Variants in CLASP1 observed in about 807,000 individuals in gnomAD.
The protein encoded by CLASP1 is cytoplasmic linker associated protein 1, also known as CLIP-associating protein 1.
In CLASP1, 38 loss-of-function variants were observed where a neutral mutation model predicts 192.3. The observed-to-expected ratio is 0.20, with a 90% CI of 0.15 to 0.26. CLASP1 has a LOEUF of 0.26. Ranked by LOEUF, CLASP1 falls within the 10% of genes least tolerant of loss-of-function variation. The pLI, the probability that CLASP1 is intolerant of heterozygous loss-of-function variation, is 1.00. For missense variants in CLASP1, 1,433 were observed against 1,932.5 expected, an observed-to-expected ratio of 0.74 and a Z score of 4.85; for synonymous variants, 691 against 712.8, an observed-to-expected ratio of 0.97 and a Z score of 0.49.
intron 1 of CLASP1, among the ~76,000 whole-genome samples, chr2:121,629,997 T>A (rs1366328505): frequency 6.6e-6 from 1 of 152,030 alleles, no homozygotes; most frequent in Non-Finnish European, 1.5e-5. Context: ...CTTCGCTCAC[T>A]GCAACCTTCG....
At chr2:121,608,333 T>C (rs2064730077) in intron 1 of CLASP1, among the ~76,000 whole-genome samples, 1 of 152,190 alleles carries the variant, frequency 6.6e-6, no homozygotes, top group Non-Finnish European at 1.5e-5. Flanking sequence ...TTGCTACTCC[T>C]ACCTCACCCA....
intron 14 of CLASP1, 122 bp from the exon 15 acceptor site, chr2:121,451,971 G>C: frequency 5.7e-6 from 4 of 705,952 alleles, no homozygotes; most frequent in Non-Finnish European, 9.6e-6. Context: ...TGATTTTTAT[G>C]ATTAGAAAAA....
At chr2:121,354,168 A>G (rs2065002109) in intron 37 of CLASP1, among the ~76,000 whole-genome samples, 1 of 152,204 alleles carries the variant, frequency 6.6e-6, no homozygotes. Context: ...CTAAGGAGCT[A>G]GCACAGAAAA....
intron 19 of CLASP1, among the ~76,000 whole-genome samples, chr2:121,442,499 CG>C (rs1382754728): frequency 7.3e-6 from 1 of 137,396 alleles, no homozygotes; most frequent in Admixed American, 7.2e-5. Flanking sequence ...TTTTTTGAGA[CG>C]GAGTCTCGCT....
chr2:121,609,886 A>G (rs139353334), intron 1 of CLASP1, among the ~76,000 whole-genome samples: 21 of 152,304 alleles, frequency 1.4e-4, no homozygotes, highest in African/African-American at 4.3e-4. Context: ...GGTTGCAGTG[A>G]GCCGATCACG....
At chr2:121,636,266 G>A (rs561789636) in intron 1 of CLASP1, among the ~76,000 whole-genome samples, 2 of 151,572 alleles carry the variant, frequency 1.3e-5, no homozygotes, top group South Asian at 2.1e-4. Context: ...AACCCATGGG[G>A]TGGAGATTAC....
At chr2:121,516,494 G>C (rs1004796659) in intron 6 of CLASP1, among the ~76,000 whole-genome samples, 1 of 152,230 alleles carries the variant, frequency 6.6e-6, no homozygotes, top group Non-Finnish European at 1.5e-5. Context: ...GCTTCAGGAA[G>C]AGGAAGTACG....
At chr2:121,619,294 T>G (rs1174089221) in intron 1 of CLASP1, among the ~76,000 whole-genome samples, 1 of 152,184 alleles carries the variant, frequency 6.6e-6, no homozygotes, top group African/African-American at 2.4e-5. Context: ...CTTTCCTGTG[T>G]TTTCCAAATT....
intron 1 of CLASP1, among the ~76,000 whole-genome samples, chr2:121,626,098 C>CAA (rs557488865): frequency 2.0e-4 from 22 of 111,330 alleles, no homozygotes; most frequent in Admixed American, 4.9e-4. Flanking sequence ...GACTCCATCT[C>CAA]AAAAAAAAAA....
At chr2:121,541,167 G>T (rs901500391) in intron 2 of CLASP1, among the ~76,000 whole-genome samples, 1 of 152,066 alleles carries the variant, frequency 6.6e-6, no homozygotes, top group Non-Finnish European at 1.5e-5. Flanking sequence ...AGAACATGAG[G>T]TCTGCTCATT....
intron 6 of CLASP1, among the ~76,000 whole-genome samples, chr2:121,523,647 C>T (rs1330152925): frequency 6.6e-6 from 1 of 152,220 alleles, no homozygotes; most frequent in Non-Finnish European, 1.5e-5. Flanking sequence ...TTAAAATCTA[C>T]ACCGAGTCCA....
At chr2:121,443,313 T>A (rs1368938879) in intron 19 of CLASP1, among the ~76,000 whole-genome samples, 1 of 151,968 alleles carries the variant, frequency 6.6e-6, no homozygotes, top group African/African-American at 2.4e-5. Flanking sequence ...GTCCTAGGGC[T>A]GGATGGAATA....
At chr2:121,491,641 G>A (rs2093311937) in intron 8 of CLASP1, among the ~76,000 whole-genome samples, 1 of 152,072 alleles carries the variant, frequency 6.6e-6, no homozygotes, top group South Asian at 2.1e-4. Context: ...TAATTATATG[G>A]AGATGAAAAA....
chr2:121,523,932 C>T (rs1243601080), intron 6 of CLASP1, among the ~76,000 whole-genome samples: 1 of 152,274 alleles, frequency 6.6e-6, no homozygotes, highest in African/African-American at 2.4e-5. Context: ...AGTGAGGGGA[C>T]CCTGTGGGAT....
chr2:121,628,619 A>G (rs1488042897), intron 1 of CLASP1, among the ~76,000 whole-genome samples: 14 of 151,662 alleles, frequency 9.2e-5, no homozygotes, highest in Non-Finnish European at 4.4e-5. Flanking sequence ...GAGGTTGCAC[A>G]GTCAAGATCA....
chr2:121,557,901 T>C (rs537223199), intron 2 of CLASP1, among the ~76,000 whole-genome samples: 386 of 151,766 alleles, frequency 2.5e-3, no homozygotes, highest in African/African-American at 8.4e-3. Flanking sequence ...GACAAGATGG[T>C]GAAACCCCGT....
intron 6 of CLASP1, among the ~76,000 whole-genome samples, chr2:121,523,408 T>C (rs2094500404): frequency 6.6e-6 from 1 of 151,992 alleles, no homozygotes; most frequent in African/African-American, 2.4e-5. Flanking sequence ...AGGAGAAAAA[T>C]AGTATCAGAG....
chr2:121,482,464 C>T (rs1233885790), intron 8 of CLASP1, among the ~76,000 whole-genome samples: 3 of 152,094 alleles, frequency 2.0e-5, no homozygotes, highest in South Asian at 2.1e-4. Context: ...GAACTTACAG[C>T]GACACGCCAA....
At chr2:121,484,084 T>C (rs1369730221) in intron 8 of CLASP1, among the ~76,000 whole-genome samples, 1 of 152,138 alleles carries the variant, frequency 6.6e-6, no homozygotes, top group Non-Finnish European at 1.5e-5. Context: ...TTCAAGCAAG[T>C]GTATTTTAGG....
Sources: gnomAD v4.1 joint callset for allele counts (sites outside exome capture counted in the v4.1 genomes callset) on GRCh38, gnomAD v4.1.1 for gene constraint, MANE v1.5 for transcripts, NCBI Gene and HGNC (gene_info 2026-07-23, HGNC 2026-07-21) for gene names.